Variants in MTMR3 observed in about 807,000 individuals in gnomAD.
MTMR3 encodes the protein myotubularin related protein 3.
Under a neutral mutation model 132.4 loss-of-function variants are expected in MTMR3, and 32 were observed. The observed-to-expected ratio is 0.24, with a 90% CI of 0.18 to 0.32. MTMR3 has a LOEUF of 0.32. Among genes scored for constraint, MTMR3 ranks in the 10% least tolerant of loss-of-function variants. MTMR3 has a pLI of 1.00. For missense variants in MTMR3, 1,216 were observed against 1,489.6 expected (o/e 0.82, Z 3.02); for synonymous variants, 556 against 550.3 (o/e 1.01, Z -0.14).
At chr22:30,016,391 G>A (rs2067592872) in intron 14 of MTMR3, 137 bp from the exon 15 acceptor site, 9 of 952,606 alleles carry the variant, frequency 9.4e-6, no homozygotes, top group Non-Finnish European at 1.4e-5. Flanking sequence ...GCTACTGCAT[G>A]GCTTACTGGG....
intron 1 of MTMR3, among the ~76,000 whole-genome samples, chr22:29,949,135 ACACACACACCCCCCCCC>A (rs1270445606): frequency 1.3e-3 from 42 of 31,228 alleles, no homozygotes; most frequent in Middle Eastern, 0.016. Context: ...ACACACACAC[ACACACACACCCCCCCCC>A]CCCCCCCCGA....
At chr22:29,927,963 C>G (rs1299757090) in intron 1 of MTMR3, among the ~76,000 whole-genome samples, 1 of 53,528 alleles carries the variant, frequency 1.9e-5, no homozygotes, top group African/African-American at 5.7e-5. Flanking sequence ...TTTTTTGAGA[C>G]GACGTCTTGC....
In MTMR3 at chr22:29,924,924, T is replaced by C. The variant is rs118149926; in HGVS notation, c.-137-32112T>C. On this transcript the variant is annotated intron_variant, in intron 1 of 19. Coordinates refer to ENST00000401950, the MANE Select transcript of MTMR3 (RefSeq NM_021090.4). ...AATAGAATTGCTAGATTTGACAGTT[T>C]ATAATTAATTTGGCTGTCCATACTA... Among the ~76,000 whole-genome samples the C allele has an allele frequency of 6.9e-4, 105 of 152,362 alleles. 1 individual carries two copies. The East Asian group carries it at 0.013, about 19-fold the overall frequency.
chr22:29,999,224 C>T (rs1384324042), intron 8 of MTMR3: 1 of 154,346 alleles, frequency 6.5e-6, no homozygotes, highest in Non-Finnish European at 1.4e-5. Context: ...TAAGCAGTGA[C>T]AGAACATTTA....
intron 1 of MTMR3, among the ~76,000 whole-genome samples, chr22:29,945,724 A>G (rs2065940557): frequency 6.6e-6 from 1 of 151,566 alleles, no homozygotes; most frequent in African/African-American, 2.4e-5. Flanking sequence ...AAAAGAAAAA[A>G]AAAAAAAAAA....
intron 1 of MTMR3, among the ~76,000 whole-genome samples, chr22:29,905,451 G>T (rs76392733): frequency 2.3e-3 from 351 of 152,250 alleles, no homozygotes; most frequent in Non-Finnish European, 3.8e-3. Context: ...TTGATATATA[G>T]TAGTTGATAC....
chr22:29,988,320 G>A, intron 5 of MTMR3, 160 bp from the exon 6 acceptor site: 2 of 440,398 alleles, frequency 4.5e-6, no homozygotes, highest in Admixed American at 3.8e-5. Flanking sequence ...AATTCACTTT[G>A]TAGTAAATCA....
chr22:29,888,499 C>T (rs1028219588), intron 1 of MTMR3, among the ~76,000 whole-genome samples: 2 of 152,160 alleles, frequency 1.3e-5, no homozygotes, highest in African/African-American at 2.4e-5. Context: ...AGGTGGGTTA[C>T]CTTAAAGCTA....
intron 1 of MTMR3, among the ~76,000 whole-genome samples, chr22:29,917,060 G>A (rs2065323157): frequency 6.6e-6 from 1 of 152,084 alleles, no homozygotes; most frequent in African/African-American, 2.4e-5. Flanking sequence ...CCCACCAGCT[G>A]GTATTTACTA....
chr22:29,945,779 A>T (rs1237633086), intron 1 of MTMR3, among the ~76,000 whole-genome samples: 1 of 152,010 alleles, frequency 6.6e-6, no homozygotes, highest in Non-Finnish European at 1.5e-5. Context: ...GTCCAGATGG[A>T]TAAAGTGGGA....
chr22:30,010,159 G>A (rs2067377356), intron 12 of MTMR3: 1 of 152,194 alleles, frequency 6.6e-6, no homozygotes, highest in Admixed American at 6.5e-5. Context: ...TTCTTCCCTA[G>A]GGTGGTATGT....
At chr22:29,940,818 C>G (rs983926981) in intron 1 of MTMR3, among the ~76,000 whole-genome samples, 3 of 149,960 alleles carry the variant, frequency 2.0e-5, no homozygotes, top group African/African-American at 7.6e-5. Context: ...TTAGTACTTT[C>G]AAGGAACCTC....
intron 18 of MTMR3, 85 bp from the exon 19 acceptor site, chr22:30,022,524 A>T: frequency 8.4e-7 from 1 of 1,190,866 alleles, no homozygotes. Context: ...GGTCCTTGTG[A>T]CTCTTGCTGC....
intron 5 of MTMR3, chr22:29,983,923 C>T (rs1367941532): frequency 1.3e-5 from 2 of 152,046 alleles, no homozygotes; most frequent in South Asian, 2.1e-4. Context: ...AGATGTGAGC[C>T]ACTGCACTCA....
At chr22:29,912,931 TTC>T (rs1171381390) in intron 1 of MTMR3, among the ~76,000 whole-genome samples, 2 of 152,098 alleles carry the variant, frequency 1.3e-5, no homozygotes, top group Non-Finnish European at 2.9e-5. Flanking sequence ...TTAAACATAG[TTC>T]TGGAGCTCCA....
intron 1 of MTMR3, among the ~76,000 whole-genome samples, chr22:29,909,177 G>A (rs1053446161): frequency 2.0e-5 from 3 of 151,752 alleles, no homozygotes; most frequent in Non-Finnish European, 4.4e-5. Flanking sequence ...GCCCAGACTA[G>A]TCTCAAACTC....
chr22:30,007,934 G>A lies in MTMR3; in HGVS notation c.911G>A (p.Ser304Asn). The stretch of plus-strand genomic sequence containing the variant: ...CTGTCAAATGCTTCAGGAGCAGAGA[G>A]TTTAGCCATCCAACCGCAGAAGCTT... The part of the protein sequence containing the change: ...SSLSNASGAE[S>N]LAIQPQKLLI... The change falls in exon 11 of 20, where the codon AGT (serine) becomes AAT (asparagine). Residue 304 changes from serine (S) to asparagine (N), a missense_variant. Physicochemically the swap from Ser to Asn is conservative, Grantham distance 46. Transcript: ENST00000401950. 7 of 1,613,736 alleles carry A rather than the reference G, an allele frequency of 4.3e-6. No homozygotes were observed. In the South Asian group the frequency reaches 7.7e-5, roughly 18 times the overall value.
Position 29,944,429 on chromosome 22 carries a change from A to G in MTMR3, c.-137-12607A>G, listed in dbSNP as rs977292617. Among the ~76,000 whole-genome samples, 11 of 152,164 alleles carry G rather than the reference A, an allele frequency of 7.2e-5. No individual in the cohort carries two copies. The East Asian group carries it at 1.7e-3, about 24-fold the overall frequency. On this transcript the variant is annotated intron_variant, in intron 1 of 19. Coordinates refer to ENST00000401950, the MANE Select transcript of MTMR3 (RefSeq NM_021090.4). Reference sequence around the variant, plus strand: ...AGATTAAGTATCCTCACATAAAGTCATGTTTTTGATAATAGGGGAAAAAGT... The same window carrying G: ...AGATTAAGTATCCTCACATAAAGTCGTGTTTTTGATAATAGGGGAAAAAGT...
intron 6 of MTMR3, 198 bp from the exon 7 acceptor site, chr22:29,991,306 T>C (rs1272581157): frequency 2.3e-6 from 1 of 441,700 alleles, no homozygotes; most frequent in Non-Finnish European, 3.9e-6. Flanking sequence ...TTCCTCCTTT[T>C]GGACATTTTG....
Sources: allele counts gnomAD v4.1 joint callset (sites outside exome capture counted in the v4.1 genomes callset), GRCh38; gene constraint gnomAD v4.1.1; transcripts MANE v1.5; gene names NCBI Gene and HGNC (gene_info 2026-07-23, HGNC 2026-07-21).